The following KIF25 variants were observed in gnomAD, a reference collection of about 807,000 sequenced individuals.
KIF25 encodes the protein kinesin family member 25.
In KIF25, 19 loss-of-function variants were observed where a neutral mutation model predicts 32.9. The ratio of observed to expected loss-of-function variants is 0.58; its 90% confidence interval spans 0.40 to 0.85. The LOEUF (loss-of-function observed/expected upper bound fraction) is 0.85, where lower values mean the gene tolerates loss of function less well. KIF25 is among the 40% of genes least tolerant of loss of function. KIF25 has a pLI of 0.00. For synonymous variants in KIF25, 225 were observed against 213.7 expected (o/e 1.05, Z -0.46); for missense variants, 485 against 507.0 (o/e 0.96, Z 0.42).
intron 4 of KIF25, among the ~76,000 whole-genome samples, chr6:168,014,269 C>G (rs993529580): frequency 2.6e-5 from 4 of 152,126 alleles, no homozygotes; most frequent in African/African-American, 9.7e-5. Flanking sequence ...CTGGCCCCAG[C>G]CCCTGGGGAA....
At chr6:167,999,497 G>A (rs999683409) in intron 2 of KIF25, among the ~76,000 whole-genome samples, 177 bp downstream of exon 2, 3 of 152,218 alleles carry the variant, frequency 2.0e-5, no homozygotes, top group Admixed American at 6.5e-5. Flanking sequence ...TGGACACTCT[G>A]CAGCCCTCTG....
At position 168,044,864 on chromosome 6, in the gene KIF25, T is replaced by C; in HGVS notation, c.1023T>C (p.Ser341=). The C allele has an allele frequency of 6.2e-7, 1 of 1,606,712 alleles. No homozygotes were observed. The highest frequency in any genetic ancestry group is 8.5e-7 in the Non-Finnish European group (1 of 1,175,618). ...AGTTACTGGTGATTCTCTGCATTTC[T>C]CCCAGCCAGAGGCACCTGGCACAGA... is the stretch of plus-strand genomic sequence containing the variant. ...DAKLLVILCI[S]PSQRHLAQTL... is the part of the protein sequence containing the mutation. The change falls in exon 13 of 13, where the codon TCT becomes TCC. Residue 341 remains serine (S), a synonymous_variant. Coordinates refer to ENST00000643607, the MANE Select transcript of KIF25 (RefSeq NM_030615.4).
At chr6:168,030,312 T>G (rs1461605787) in intron 6 of KIF25, among the ~76,000 whole-genome samples, 1 of 152,114 alleles carries the variant, frequency 6.6e-6, no homozygotes, top group Non-Finnish European at 1.5e-5. Flanking sequence ...ATGTTATATA[T>G]CAAATATTGC....
intron 6 of KIF25, 185 bp from the exon 7 acceptor site, chr6:168,030,588 C>T (rs1583139861): frequency 2.3e-6 from 1 of 427,330 alleles, no homozygotes; most frequent in Non-Finnish European, 4.2e-6. Flanking sequence ...AAAGTACTAT[C>T]TTTACTCTTT....
At chr6:168,004,366 T>A (rs1798550178) in intron 4 of KIF25, among the ~76,000 whole-genome samples, 1 of 152,178 alleles carries the variant, frequency 6.6e-6, no homozygotes, top group South Asian at 2.1e-4. Flanking sequence ...TAAAGCAGAT[T>A]GAAATATATA....
At chr6:168,029,759 C>A (rs1384873222) in intron 6 of KIF25, 82 bp downstream of exon 6, 1 of 1,496,146 alleles carries the variant, frequency 6.7e-7, no homozygotes, top group South Asian at 1.3e-5. Context: ...TCTATTCTTT[C>A]TACTTTTGTA....
At chr6:168,016,553 G>A (rs185638884) in intron 4 of KIF25, among the ~76,000 whole-genome samples, 1 of 152,306 alleles carries the variant, frequency 6.6e-6, no homozygotes, top group African/African-American at 2.4e-5. Context: ...GGTAGCAAGT[G>A]ACCTCCCAGT....
At chr6:168,022,309 C>A (rs1798797596) in intron 5 of KIF25, among the ~76,000 whole-genome samples, 1 of 152,144 alleles carries the variant, frequency 6.6e-6, no homozygotes, top group African/African-American at 2.4e-5. Context: ...TTCCATTTAA[C>A]CCATCTGTTT....
intron 5 of KIF25, among the ~76,000 whole-genome samples, chr6:168,022,626 T>A (rs1217517121): frequency 1.3e-5 from 2 of 152,198 alleles, no homozygotes; most frequent in African/African-American, 4.8e-5. Flanking sequence ...AATGTTCTAT[T>A]GTGTCTGGTT....
chr6:168,030,127 C>T (rs146103593), intron 6 of KIF25, among the ~76,000 whole-genome samples: 7 of 152,300 alleles, frequency 4.6e-5, no homozygotes, highest in African/African-American at 1.2e-4. Context: ...GTGCAGGAAA[C>T]GGCATTTTTT....
rs966833673 is a variant in KIF25, at chr6:168,014,144, T to C, written c.-162-3829T>C. Among the ~76,000 whole-genome samples the C allele has an allele frequency of 5.3e-5, 8 of 152,204 alleles. 1 individual carries two copies. In the East Asian group the frequency reaches 9.6e-4, roughly 18 times the overall value. On this transcript the variant is annotated intron_variant, in intron 4 of 12. Coordinates refer to ENST00000643607, the MANE Select transcript of KIF25 (RefSeq NM_030615.4). Reference sequence around the variant, plus strand: ...GGACCTTATCAATCCCCTCCTGTTATAAGTGAACACACAGAGTATTTGTGG... The same window carrying C: ...GGACCTTATCAATCCCCTCCTGTTACAAGTGAACACACAGAGTATTTGTGG...
chr6:168,029,449 T>C, intron 5 of KIF25, 43 bp from the exon 6 acceptor site: 1 of 1,350,168 alleles, frequency 7.4e-7, no homozygotes, highest in Non-Finnish European at 1.0e-6. Context: ...TAAGGCATGG[T>C]CGTGGTAATA....
intron 12 of KIF25, among the ~76,000 whole-genome samples, chr6:168,044,416 C>G (rs112620595): frequency 2.5e-4 from 17 of 67,564 alleles, no homozygotes; most frequent in East Asian, 1.1e-3. Flanking sequence ...CTCCCGGACC[C>G]GGGTGAGGGG....
intron 8 of KIF25, chr6:168,035,805 T>C: frequency 2.2e-6 from 1 of 456,022 alleles, no homozygotes; most frequent in Non-Finnish European, 4.4e-6. Flanking sequence ...CTCTTCCAAG[T>C]GAGTGGCCCC....
chr6:168,032,681 T>C (rs1798958153), intron 7 of KIF25, among the ~76,000 whole-genome samples: 1 of 152,228 alleles, frequency 6.6e-6, no homozygotes, highest in Non-Finnish European at 1.5e-5. Flanking sequence ...TGTCTTGCAA[T>C]CATTTTGTCA....
At chr6:168,041,835 C>G in intron 10 of KIF25, 134 bp from the exon 11 acceptor site, 1 of 817,192 alleles carries the variant, frequency 1.2e-6, no homozygotes, top group Non-Finnish European at 1.9e-6. Flanking sequence ...CTGCGGAAAT[C>G]CCACTTCTTA....
rs2114920350 is a variant in KIF25 at position 168,044,969 on chromosome 6, A to G, written c.1128A>G (p.Gln376=). Residue 376 remains glutamine, a synonymous_variant, in exon 13 of 13, where the codon CAA becomes CAG. Transcript: ENST00000643607. ...GPARKKPPSS[Q]TEGKRRPD ...CCCGAAAGAAGCCGCCCAGCTCCCAAACGGAGGGGAAGAGGAGGCCGGATT... is the reference window on the plus strand; with the variant it reads ...CCCGAAAGAAGCCGCCCAGCTCCCAGACGGAGGGGAAGAGGAGGCCGGATT... 1 of 1,605,448 alleles carries G rather than the reference A, an allele frequency of 6.2e-7. No homozygotes were observed. The highest frequency in any genetic ancestry group is 8.5e-7 in the Non-Finnish European group (1 of 1,175,020).
rs151334889 is a variant in KIF25 at position 168,027,306 on chromosome 6, A to C, written c.-94-2186A>C. On this transcript the variant is annotated intron_variant, in intron 5 of 12. Transcript: ENST00000643607. ...CGTCTCCACTAAAATACAAAAAATTAGCTGGACGTGGTGGCACACACCTGT... is the reference window on the plus strand; with the variant it reads ...CGTCTCCACTAAAATACAAAAAATTCGCTGGACGTGGTGGCACACACCTGT... 6.4e-3 allele frequency among the ~76,000 whole-genome samples: 972 copies of C among 152,134 alleles called. 13 individuals are homozygous for C. Among genetic ancestry groups the C allele is most frequent in the African/African-American group, 0.022 (917 of 41,488 alleles).
chr6:168,026,974 G>A lies in KIF25; in HGVS notation c.-94-2518G>A, dbSNP rs576153998. ...GTGCCAGGCACCCTGTTAGACACAA[G>A]GGATGTAGGTGAGAGGAAGGCAGCA... On this transcript the variant is annotated intron_variant, in intron 5 of 12. Transcript: ENST00000643607. 2.0e-5 allele frequency among the ~76,000 whole-genome samples: 3 copies of A among 152,268 alleles called. No individual in the cohort carries two copies. The East Asian group carries it at 5.8e-4, about 29-fold the overall frequency.
Sources: allele counts gnomAD v4.1 joint callset (sites outside exome capture counted in the v4.1 genomes callset), GRCh38; gene constraint gnomAD v4.1.1; transcripts MANE v1.5; gene names NCBI Gene and HGNC (gene_info 2026-07-23, HGNC 2026-07-21).